ARHGEF10: variants seen among roughly 807,000 people sequenced by gnomAD.
The protein encoded by ARHGEF10 is Rho guanine nucleotide exchange factor 10, also known as Rho guanine nucleotide exchange factor (GEF) 10.
ARHGEF10 carries 140 observed loss-of-function variants against 147.4 expected under a neutral mutation model. The ratio of observed to expected loss-of-function variants is 0.95; its 90% CI spans 0.83 to 1.09. The LOEUF is 1.09. Ranked by LOEUF, ARHGEF10 falls within the 50% of genes least tolerant of loss-of-function variation. ARHGEF10 has a pLI of 0.00. For synonymous variants in ARHGEF10, 902 were observed against 695.8 expected, an observed-to-expected ratio of 1.30 and a Z score of -4.67; for missense variants, 2,222 against 1,752.7, an observed-to-expected ratio of 1.27 and a Z score of -4.78.
chr8:1,921,813 G>T (rs1812313000), intron 18 of ARHGEF10, among the ~76,000 whole-genome samples: 1 of 152,136 alleles, frequency 6.6e-6, no homozygotes. Flanking sequence ...GGCCCTGTAA[G>T]CTCAGGTCTG....
chr8:1,876,782 G>A (rs1202927619), intron 8 of ARHGEF10, 48 bp downstream of exon 8: 2 of 1,594,564 alleles, frequency 1.3e-6, no homozygotes, highest in African/African-American at 1.3e-5. Context: ...GCGTTAACAC[G>A]GACAGGGGGC....
At chr8:1,893,950 G>C (rs1056875748) in intron 12 of ARHGEF10, among the ~76,000 whole-genome samples, 1 of 152,074 alleles carries the variant, frequency 6.6e-6, no homozygotes, top group Non-Finnish European at 1.5e-5. Context: ...GAGTCAGGTG[G>C]ATTGCCTGAG....
rs1563190300 is a variant in ARHGEF10, at chr8:1,860,017, CGCCCACCCCCGT to C, written c.320_331del (p.Thr107_Pro110del). On this transcript the variant is annotated inframe_deletion, in exon 4 of 29. Coordinates refer to ENST00000349830, the MANE Select transcript of ARHGEF10 (RefSeq NM_014629.4). Reference sequence around the variant, plus strand: ...ATCACGCCATTCCAGGAGGACCAGCCGCCCACCCCCGTGCCCAGCGCTGAGGAGGAGAATGTG... The same window carrying C: ...ATCACGCCATTCCAGGAGGACCAGCCGCCCAGCGCTGAGGAGGAGAATGTG... 3 of 1,614,126 alleles carry C rather than the reference CGCCCACCCCCGT, an allele frequency of 1.9e-6. No individual in the cohort carries two copies. In the South Asian group the frequency reaches 3.3e-5, roughly 18 times the overall value.
At chr8:1,917,595 A>C (rs1471426873) in intron 18 of ARHGEF10, among the ~76,000 whole-genome samples, 3 of 152,188 alleles carry the variant, frequency 2.0e-5, no homozygotes, top group Non-Finnish European at 2.9e-5. Flanking sequence ...TGGAAACAAG[A>C]GAAGCGTCCG....
intron 8 of ARHGEF10, among the ~76,000 whole-genome samples, chr8:1,877,766 G>T (rs575542168): frequency 7.6e-4 from 116 of 152,026 alleles, no homozygotes; most frequent in African/African-American, 2.7e-3. Flanking sequence ...ATAGATTTGT[G>T]CTCATCTACA....
intron 13 of ARHGEF10, among the ~76,000 whole-genome samples, chr8:1,895,073 T>C (rs1200554946): frequency 6.6e-6 from 1 of 152,214 alleles, no homozygotes; most frequent in Non-Finnish European, 1.5e-5. Context: ...GGCTGTAGCT[T>C]CTGTTGTGTA....
intron 1 of ARHGEF10, among the ~76,000 whole-genome samples, chr8:1,831,157 C>T (rs1803073722): frequency 6.6e-6 from 1 of 151,468 alleles, no homozygotes; most frequent in African/African-American, 2.4e-5. Context: ...ACGGAGGGGC[C>T]ATGTGACAGA....
chr8:1,861,300 G>A (rs1217175465), intron 4 of ARHGEF10, among the ~76,000 whole-genome samples: 1 of 152,254 alleles, frequency 6.6e-6, no homozygotes, highest in African/African-American at 2.4e-5. Context: ...TCTGCTGGAA[G>A]GACAGCGTGC....
chr8:1,898,285 A>G lies in ARHGEF10; in HGVS notation c.1558-148A>G, dbSNP rs1026575340. Reference sequence around the variant, plus strand: ...CAGGTGCAGAAAGTGGCTGGAAGGTATTTGGCCAAGTTTCTTCTTGTAGCT... The same window carrying G: ...CAGGTGCAGAAAGTGGCTGGAAGGTGTTTGGCCAAGTTTCTTCTTGTAGCT... On this transcript the variant is annotated intron_variant, in intron 14 of 28. Transcript: ENST00000349830. 9 of 631,008 alleles carry G rather than the reference A, an allele frequency of 1.4e-5. 1 individual carries two copies. Among genetic ancestry groups the G allele is most frequent in the Admixed American group, 1.1e-4 (5 of 45,656 alleles). The allele number at this position is 631,008 out of a possible 1,614,324, so 39.1% of individuals were successfully genotyped here.
intron 18 of ARHGEF10, among the ~76,000 whole-genome samples, chr8:1,921,949 C>T (rs1197290026): frequency 6.6e-6 from 1 of 151,894 alleles, no homozygotes; most frequent in South Asian, 2.1e-4. Flanking sequence ...GTTTTTTGAC[C>T]TTAGACAATT....
chr8:1,932,788 A>G (rs545481910), intron 25 of ARHGEF10, among the ~76,000 whole-genome samples: 1 of 152,360 alleles, frequency 6.6e-6, no homozygotes, highest in African/African-American at 2.4e-5. Flanking sequence ...TTTTGTATTC[A>G]AAGGTTCAGT....
Position 1,876,654 on chromosome 8 carries a change from G to C in ARHGEF10, c.763G>C (p.Glu255Gln). 6.2e-7 allele frequency: 1 copy of C among 1,614,250 alleles called. No individual in the cohort carries two copies. Among genetic ancestry groups the C allele is most frequent in the Non-Finnish European group, 8.5e-7 (1 of 1,180,040 alleles). ...ATACGGATGGAGTTCGAGTGAATTT[G>C]AAAGTTACGAAGAGCAGAGTGACTC... ...LEYGWSSSEF[E>Q]SYEEQSDSEC... Residue 255 changes from glutamate to glutamine, a missense_variant, in exon 8 of 29, where the codon GAA becomes CAA. By Grantham distance (29) the Glu-to-Gln change is conservative. Coordinates refer to ENST00000349830, the MANE Select transcript of ARHGEF10 (RefSeq NM_014629.4).
At position 1,929,350 on chromosome 8, in the gene ARHGEF10, G is replaced by A. The variant is rs533901253; in HGVS notation, c.2986G>A (p.Glu996Lys). 1.2e-6 allele frequency: 2 copies of A among 1,613,972 alleles called. No individual in the cohort carries two copies. Among genetic ancestry groups the A allele is most frequent in the Non-Finnish European group, 1.7e-6 (2 of 1,180,032 alleles). Residue 996 changes from glutamate to lysine, a missense_variant, in exon 25 of 29, where the codon GAG becomes AAG. Transcript: ENST00000349830. ...GAGACTTCAGCACTTTTTCACTCCT[G>A]AGAAGTCCACAGTCATGAGCCTGGC... is the stretch of plus-strand genomic sequence containing the variant. Reference protein sequence around the residue: ...KVRLQHFFTPEKSTVMSLACT... With the variant: ...KVRLQHFFTPKKSTVMSLACT...
Position 1,859,944 on chromosome 8 carries a change from A to C in ARHGEF10, c.241A>C (p.Thr81Pro), listed in dbSNP as rs1396432213. ...AGAAACCACCCCAGTGGCAGAGCCT[A>C]CTAAGCTGGTGCTCCCGATGAAAGT... ...GAETTPVAEP[T>P]KLVLPMKVNP... The change falls in exon 4 of 29, where the codon ACT becomes CCT. Residue 81 changes from threonine to proline, a missense_variant. Physicochemically the swap from Thr to Pro is conservative, Grantham distance 38. Transcript: ENST00000349830. 1.2e-6 allele frequency: 2 copies of C among 1,614,064 alleles called. No homozygotes were observed. Among genetic ancestry groups the C allele is most frequent in the Admixed American group, 3.3e-5 (2 of 60,008 alleles).
Position 1,923,885 on chromosome 8 carries a change from G to C in ARHGEF10, c.2488+11G>C, listed in dbSNP as rs754713882. The C allele has an allele frequency of 6.2e-7, 1 of 1,612,716 alleles. No individual in the cohort carries two copies. Among genetic ancestry groups the C allele is most frequent in the South Asian group, 1.1e-5 (1 of 91,048 alleles). ...CCAAGCTCGCCCTAGGTAAGGCCTG[G>C]CTGGCTGAGGCTGAATGAGGCATGC... On this transcript the variant is annotated intron_variant, in intron 21 of 28. Coordinates refer to ENST00000349830, the MANE Select transcript of ARHGEF10 (RefSeq NM_014629.4).
intron 23 of ARHGEF10, 40 bp downstream of exon 23, chr8:1,926,503 G>A (rs529569600): frequency 1.3e-6 from 2 of 1,567,360 alleles, no homozygotes; most frequent in Middle Eastern, 1.7e-4. Flanking sequence ...AGTTCACAGA[G>A]AATCAACGTT....
intron 2 of ARHGEF10, among the ~76,000 whole-genome samples, chr8:1,843,999 T>TCCGGCCAGTGGAGAAGGTGG (rs1474075737): frequency 2.4e-4 from 36 of 152,310 alleles, no homozygotes; most frequent in Non-Finnish European, 2.9e-5. Context: ...CAGCTCGCGC[T>TCCGGCCAGTGGAGAAGGTGG]CCGGCCAGTG....
chr8:1,921,697 C>T (rs544899310), intron 18 of ARHGEF10, among the ~76,000 whole-genome samples: 5 of 151,880 alleles, frequency 3.3e-5, no homozygotes, highest in East Asian at 1.9e-4. Flanking sequence ...ATCGTGCCAT[C>T]GCACTGCAGC....
At chr8:1,922,865 A>C in intron 18 of ARHGEF10, 99 bp from the exon 19 acceptor site, 1 of 839,912 alleles carries the variant, frequency 1.2e-6, no homozygotes, top group Non-Finnish European at 1.9e-6. Context: ...CCCTCAACTT[A>C]AAAATTATTT....
Sources: gnomAD v4.1 joint callset for allele counts (sites outside exome capture counted in the v4.1 genomes callset) on GRCh38, gnomAD v4.1.1 for gene constraint, MANE v1.5 for transcripts, NCBI Gene and HGNC (gene_info 2026-07-23, HGNC 2026-07-21) for gene names.